Variants in GEMIN7 observed in about 807,000 individuals in gnomAD.
GEMIN7 encodes the protein gem nuclear organelle associated protein 7, also known as gem-associated protein 7.
Under a neutral mutation model 7.8 loss-of-function variants are expected in GEMIN7, and 7 were observed. The observed-to-expected ratio is 0.90, with a 90% CI of 0.51 to 1.69. GEMIN7 has a LOEUF of 1.69. Ranked by LOEUF, GEMIN7 falls within the 40% of genes most tolerant of loss-of-function variation. GEMIN7 has a pLI of 0.00. For synonymous variants in GEMIN7, 68 were observed against 72.4 expected, an observed-to-expected ratio of 0.94 and a Z score of 0.31; for missense variants, 159 against 176.2, an observed-to-expected ratio of 0.90 and a Z score of 0.55.
chr19:45,087,137 G>A (rs1232264401), intron 2 of GEMIN7, among the ~76,000 whole-genome samples: 4 of 149,802 alleles, frequency 2.7e-5, no homozygotes, highest in African/African-American at 7.4e-5. Context: ...GAGCCACCGC[G>A]CCCAGCCAAT....
rs1230307782 is a variant in GEMIN7 at position 45,089,958 on chromosome 19, C to T, written c.-8-149C>T. On this transcript the variant is annotated intron_variant, in intron 2 of 2. Transcript: ENST00000270257. ...GTTTCTGATCCAAGCCATTGGGGGA[C>T]GATGGCACAGATTTTAGGAGGGTGG... 7.7e-6 allele frequency: 6 copies of T among 777,052 alleles called. No individual in the cohort carries two copies. In the East Asian group the frequency reaches 9.9e-5, roughly 13 times the overall value. 48.1% of individuals were successfully genotyped at this position (777,052 alleles called of 1,614,324 possible).
upstream of GEMIN7, chr19:45,076,554 G>A (rs757955457): frequency 2.4e-6 from 1 of 409,224 alleles, no homozygotes; most frequent in Non-Finnish European, 4.0e-6. The surrounding 1 kb of genome is among the most constrained non-coding windows in gnomAD (Gnocchi z 4.9). Context: ...GCTCATGGGA[G>A]GGGACCGAGC....
chr19:45,076,481 G>C (rs1967358105), upstream of GEMIN7: 2 of 834,502 alleles, frequency 2.4e-6, no homozygotes, highest in Non-Finnish European at 3.2e-6. The surrounding 1 kb of genome is among the most constrained non-coding windows in gnomAD (Gnocchi z 4.9). Flanking sequence ...GAGTGACTGC[G>C]GCGACCCGCC....
chr19:45,086,433 C>G (rs1568432101), intron 2 of GEMIN7, among the ~76,000 whole-genome samples: 1 of 152,134 alleles, frequency 6.6e-6, no homozygotes, highest in Non-Finnish European at 1.5e-5. Context: ...CCTAGGTCCT[C>G]CTCTCTCAGG....
chr19:45,077,490 G>C (rs929346326), upstream of GEMIN7, among the ~76,000 whole-genome samples: 2 of 152,122 alleles, frequency 1.3e-5, no homozygotes, highest in East Asian at 1.9e-4. Flanking sequence ...CCGACTGCAC[G>C]ACAGTATAGA....
At chr19:45,076,581 T>C (rs1022041029), upstream of GEMIN7, 5 of 353,854 alleles carry the variant, frequency 1.4e-5, no homozygotes, top group African/African-American at 8.6e-5. The surrounding 1 kb of genome is among the most constrained non-coding windows in gnomAD (Gnocchi z 4.9). Flanking sequence ...GCTGGGGCCC[T>C]GACGGCGGCC....
intron 2 of GEMIN7, among the ~76,000 whole-genome samples, chr19:45,082,807 G>C (rs925050698): frequency 7.9e-6 from 1 of 125,998 alleles, no homozygotes; most frequent in African/African-American, 3.1e-5. Context: ...TTTTTGTAGA[G>C]ATGGGGTTTT....
At chr19:45,079,689 C>CT (rs1421182607) in intron 1 of GEMIN7, among the ~76,000 whole-genome samples, 2 of 152,048 alleles carry the variant, frequency 1.3e-5, no homozygotes, top group Admixed American at 6.5e-5. Flanking sequence ...GGAGGACCTA[C>CT]TTAGTATAAG....
At chr19:45,081,283 C>T (rs779897253) in intron 2 of GEMIN7, among the ~76,000 whole-genome samples, 12 of 152,034 alleles carry the variant, frequency 7.9e-5, no homozygotes, top group East Asian at 1.9e-4. Flanking sequence ...GTGGCCAAAC[C>T]GCGTCTCTAC....
At chr19:45,076,278 G>A, upstream of GEMIN7, 2 of 1,484,566 alleles carry the variant, frequency 1.3e-6, no homozygotes, top group South Asian at 1.4e-5. This position sits in a 1 kb window ranked among gnomAD's most constrained non-coding sequence, Gnocchi z 4.9. Context: ...GCTTGAGTTC[G>A]ATGACGAGGT....
upstream of GEMIN7, chr19:45,076,715 C>A (rs1430203051): frequency 1.3e-5 from 3 of 232,458 alleles, no homozygotes; most frequent in Non-Finnish European, 2.5e-5. This position sits in a 1 kb window ranked among gnomAD's most constrained non-coding sequence, Gnocchi z 4.9. Flanking sequence ...AACTGAGACA[C>A]GGCATGCCCA....
At chr19:45,077,702 C>T (rs1331710594), upstream of GEMIN7, among the ~76,000 whole-genome samples, 1 of 152,066 alleles carries the variant, frequency 6.6e-6, no homozygotes, top group African/African-American at 2.4e-5. Flanking sequence ...TAAAGTAGCC[C>T]CACCCTGCTG....
chr19:45,075,648 GC>G, upstream of GEMIN7: 1 of 1,579,580 alleles, frequency 6.3e-7, no homozygotes, highest in Non-Finnish European at 8.6e-7. Flanking sequence ...GTCCAGCCCA[GC>G]CCCTTTCCAG....
chr19:45,077,678 T>A (rs1967382339), upstream of GEMIN7, among the ~76,000 whole-genome samples: 1 of 152,110 alleles, frequency 6.6e-6, no homozygotes, highest in Admixed American at 6.6e-5. Flanking sequence ...CAGAGGGCCC[T>A]GACCAACAGT....
intron 2 of GEMIN7, among the ~76,000 whole-genome samples, chr19:45,089,647 C>T (rs1262322087): frequency 6.6e-6 from 1 of 152,120 alleles, no homozygotes; most frequent in Non-Finnish European, 1.5e-5. Flanking sequence ...ACTAATCCTT[C>T]TCCCTCAGCC....
chr19:45,087,273 T>C (rs941074707), intron 2 of GEMIN7, among the ~76,000 whole-genome samples: 1 of 152,144 alleles, frequency 6.6e-6, no homozygotes, highest in Non-Finnish European at 1.5e-5. Context: ...GCTCCCCAAG[T>C]AGCTGGGATT....
At chr19:45,076,964 G>A (rs950598013), upstream of GEMIN7, 1 of 152,162 alleles carries the variant, frequency 6.6e-6, no homozygotes, top group African/African-American at 2.4e-5. The surrounding 1 kb of genome is among the most constrained non-coding windows in gnomAD (Gnocchi z 4.9). Flanking sequence ...ACATAATTAC[G>A]TAAAATATAG....
chr19:45,089,299 T>C (rs1362072231), intron 2 of GEMIN7, among the ~76,000 whole-genome samples: 1 of 152,232 alleles, frequency 6.6e-6, no homozygotes, highest in African/African-American at 2.4e-5. Context: ...CAGTCTACAG[T>C]AAGGATTATA....
In GEMIN7 at chr19:45,090,567, A is replaced by G. The variant is rs1426967629; in HGVS notation, c.*57A>G. The G allele has an allele frequency of 1.9e-5, 29 of 1,509,526 alleles. 1 individual carries two copies. Among genetic ancestry groups the G allele is most frequent in the South Asian group, 2.5e-5 (2 of 80,990 alleles). The allele number at this position is 1,509,526 out of a possible 1,614,324, so 93.5% of individuals were successfully genotyped here. A position where few individuals can be genotyped will look rare whatever the true frequency, so the allele number is the denominator to read the frequency against. On this transcript the variant is annotated 3_prime_UTR_variant, in exon 3 of 3. Coordinates refer to ENST00000270257, the MANE Select transcript of GEMIN7 (RefSeq NM_024707.3). ...AAGGCACTGTATCCCAGGCCTCCCA[A>G]TGTTCCCGAGCCAGGAACTCTGGGC... is the stretch of plus-strand genomic sequence containing the variant.
Sources: gnomAD v4.1 joint callset for allele counts (sites outside exome capture counted in the v4.1 genomes callset) on GRCh38, gnomAD v4.1.1 for gene constraint, Gnocchi (gnomAD v3.1) non-coding constraint, MANE v1.5 for transcripts, NCBI Gene and HGNC (gene_info 2026-07-23, HGNC 2026-07-21) for gene names.